The following TPM1 variants were observed in gnomAD, a reference collection of about 807,000 sequenced individuals.
TPM1 encodes the protein tropomyosin 1.
A neutral mutation model predicts 42.9 loss-of-function variants in TPM1; 24 were observed. The ratio of observed to expected loss-of-function variants is 0.56; its 90% CI spans 0.41 to 0.79. The LOEUF (loss-of-function observed/expected upper bound fraction) is 0.79. TPM1 is among the 30% of genes least tolerant of loss of function. The pLI is 0.00. For synonymous variants in TPM1, 136 were observed against 130.1 expected (o/e 1.05, Z -0.31); for missense variants, 158 against 351.8 (o/e 0.45, Z 4.41).
intron 2 of TPM1, among the ~76,000 whole-genome samples, chr15:63,051,893 GTTTT>G (rs5813189): frequency 3.1e-5 from 3 of 96,990 alleles, no homozygotes; most frequent in Non-Finnish European, 6.5e-5. Context: ...CATAAAAGTT[GTTTT>G]TTTTTTTTTT....
At chr15:63,048,335 C>A in intron 2 of TPM1, 1 of 1,098,962 alleles carries the variant, frequency 9.1e-7, no homozygotes, top group Non-Finnish European at 1.2e-6. Context: ...CCCAGCCAGT[C>A]CCGGGATCCA....
At chr15:63,066,726 G>C (rs1469085952), downstream of TPM1, among the ~76,000 whole-genome samples, 1 of 152,106 alleles carries the variant, frequency 6.6e-6, no homozygotes, top group Non-Finnish European at 1.5e-5. Flanking sequence ...CCTTTATTTT[G>C]ATCATGAAAA....
chr15:63,062,755 C>T (rs772764185), intron 8 of TPM1, 110 bp downstream of exon 8: 1 of 1,584,948 alleles, frequency 6.3e-7, no homozygotes, highest in Non-Finnish European at 8.6e-7. Context: ...TTTGCACTTG[C>T]ACATTCTTCC....
rs2140970292 is a variant in TPM1, at chr15:63,062,281, AT to A, written c.702+5del. The A allele has an allele frequency of 1.2e-6, 2 of 1,613,986 alleles. No homozygotes were observed. The highest frequency in any genetic ancestry group is 8.5e-7 in the Non-Finnish European group (1 of 1,179,838). The stretch of plus-strand genomic sequence containing the variant: ...CCTTTCCGACAAGCTGAAGGAGGTA[AT>A]ATGAGAGTTGTGGATGAAGCCAACT... On this transcript the variant is annotated splice_donor_5th_base_variant and intron_variant, in intron 7 of 9. Coordinates refer to ENST00000403994, the MANE Select transcript of TPM1 (RefSeq NM_001018005.2).
At position 63,043,054 on chromosome 15, in the gene TPM1, C is replaced by G; in HGVS notation, c.114+111C>G. 4.2e-6 allele frequency: 4 copies of G among 958,742 alleles called. No homozygotes were observed. In the South Asian group the frequency reaches 5.7e-5, roughly 14 times the overall value. 59.4% of individuals were successfully genotyped at this position (958,742 alleles called of 1,614,324 possible). A position where few individuals can be genotyped will look rare whatever the true frequency, so the allele number is the denominator to read the frequency against. On this transcript the variant is annotated intron_variant, in intron 1 of 9. Transcript: ENST00000403994. ...TCGGGGAGCCACCACCCTACCCCCA[C>G]CACCACCCAGGGCGGCCAGGGCGCG... is the stretch of plus-strand genomic sequence containing the variant.
At chr15:63,056,536 G>A (rs1013964016) in intron 2 of TPM1, 32 of 199,498 alleles carry the variant, frequency 1.6e-4, no homozygotes, top group African/African-American at 7.0e-4. Flanking sequence ...GCGTTGTGGC[G>A]GGCGCCTGTA....
chr15:63,042,961 C>G lies in TPM1; in HGVS notation c.114+18C>G. The G allele has an allele frequency of 6.4e-7, 1 of 1,574,302 alleles. No homozygotes were observed. The highest frequency in any genetic ancestry group is 8.6e-7 in the Non-Finnish European group (1 of 1,159,102). On this transcript the variant is annotated intron_variant, in intron 1 of 9. Coordinates refer to ENST00000403994, the MANE Select transcript of TPM1 (RefSeq NM_001018005.2). The stretch of plus-strand genomic sequence containing the variant: ...GCAAGCAGGTCTGCGCCTCCCCGGC[C>G]CTGCGCCCGCGCCCAGAGCGCCGGG...
chr15:63,068,581 G>A (rs904729555), downstream of TPM1, among the ~76,000 whole-genome samples: 1 of 152,146 alleles, frequency 6.6e-6, no homozygotes, highest in Admixed American at 6.5e-5. Context: ...TCAAGATCAT[G>A]AAGTATTTTT....
At chr15:63,043,540 G>C in intron 1 of TPM1, 2 of 1,133,060 alleles carry the variant, frequency 1.8e-6, no homozygotes, top group Admixed American at 2.0e-5. Flanking sequence ...GTGAGCCGCG[G>C]AGCGGTTCCA....
At chr15:63,064,169 T>C (rs763599399) in intron 9 of TPM1, 27 bp downstream of exon 9, 1 of 1,609,758 alleles carries the variant, frequency 6.2e-7, no homozygotes, top group South Asian at 1.1e-5. Flanking sequence ...TCTGCCTGCT[T>C]ACACCCTGCC....
chr15:63,058,170 C>T (rs925444417), intron 3 of TPM1, among the ~76,000 whole-genome samples: 68 of 152,192 alleles, frequency 4.5e-4, no homozygotes, highest in Admixed American at 3.3e-4. Flanking sequence ...TTACAGTGTA[C>T]GCATAAGAGC....
intron 2 of TPM1, among the ~76,000 whole-genome samples, chr15:63,050,590 G>A (rs189750219): frequency 7.2e-5 from 11 of 152,314 alleles, no homozygotes; most frequent in Admixed American, 4.6e-4. Flanking sequence ...TAGTACTTTC[G>A]TTCTTTTCAC....
intron 6 of TPM1, 21 bp downstream of exon 6, chr15:63,061,809 G>A (rs199989220): frequency 6.8e-6 from 11 of 1,611,010 alleles, no homozygotes; most frequent in East Asian, 2.2e-5. Flanking sequence ...AGGATGGTGT[G>A]GGGGAAAGGC....
intron 2 of TPM1, chr15:63,048,420 A>T: frequency 7.4e-7 from 1 of 1,355,138 alleles, no homozygotes; most frequent in Non-Finnish European, 9.4e-7. Context: ...CGACTTCCGG[A>T]CTGCTCCTGG....
intron 1 of TPM1, 144 bp from the exon 2 acceptor site, chr15:63,043,883 T>G (rs570257450): frequency 6.4e-7 from 1 of 1,550,966 alleles, no homozygotes; most frequent in Admixed American, 2.0e-5. Context: ...ACTCTTTCTC[T>G]TTCTCTCTCT....
At chr15:63,069,893 C>T (rs772509023), downstream of TPM1, 1 of 1,613,992 alleles carries the variant, frequency 6.2e-7, no homozygotes. Flanking sequence ...GCAACTTGAG[C>T]AAAATCGCCG....
At chr15:63,059,728 C>G in intron 4 of TPM1, 48 bp downstream of exon 4, 2 of 1,336,566 alleles carry the variant, frequency 1.5e-6, no homozygotes, top group South Asian at 1.2e-5. Flanking sequence ...CAGTGGCCTT[C>G]AGGAAGCCAG....
At position 63,045,252 on chromosome 15, in the gene TPM1, T is replaced by C. The variant is rs1450613469; in HGVS notation, c.240+1100T>C. 3 of 152,218 alleles carry C rather than the reference T, an allele frequency of 2.0e-5. No individual in the cohort carries two copies. The East Asian group carries it at 5.8e-4, about 29-fold the overall frequency. 9.4% of individuals were successfully genotyped at this position (152,218 alleles called of 1,614,324 possible). ...GAAGTCTTTTGTAGCATGAAAGGCT[T>C]GAGATGTATATCCAGGTGTGCTTTG... On this transcript the variant is annotated intron_variant, in intron 2 of 9. Transcript: ENST00000403994.
chr15:63,044,475 G>A, intron 2 of TPM1: 1 of 586,478 alleles, frequency 1.7e-6, no homozygotes, highest in South Asian at 2.1e-5. Context: ...AACCCTTGAG[G>A]TGTCATCACC....
Sources: gnomAD v4.1 joint callset for allele counts (sites outside exome capture counted in the v4.1 genomes callset) on GRCh38, gnomAD v4.1.1 for gene constraint, MANE v1.5 for transcripts, NCBI Gene and HGNC (gene_info 2026-07-23, HGNC 2026-07-21) for gene names.